PRDM11: variants seen among roughly 807,000 people sequenced by gnomAD.
The protein encoded by PRDM11 is PR domain-containing protein 11.
Under a neutral mutation model 97.8 loss-of-function variants are expected in PRDM11, and 20 were observed. The observed-to-expected ratio is 0.20, with a 90% CI of 0.14 to 0.30. The LOEUF (loss-of-function observed/expected upper bound fraction) is 0.30, where lower values mean the gene tolerates loss of function less well. Among genes scored for constraint, PRDM11 ranks in the 10% least tolerant of loss-of-function variants. The pLI is 1.00. For synonymous variants in PRDM11, 599 were observed against 637.7 expected, an observed-to-expected ratio of 0.94 and a Z score of 0.91; for missense variants, 1,139 against 1,555.2, an observed-to-expected ratio of 0.73 and a Z score of 4.50.
chr11:45,225,859 T>G, intron 7 of PRDM11, 136 bp from the exon 8 acceptor site: 1 of 1,139,660 alleles, frequency 8.8e-7, no homozygotes, highest in Non-Finnish European at 1.2e-6. Context: ...GGGCTGGGAT[T>G]CAATCCATCA....
intron 1 of PRDM11, among the ~76,000 whole-genome samples, chr11:45,100,033 C>T (rs147869455): frequency 5.3e-4 from 80 of 152,226 alleles, no homozygotes; most frequent in African/African-American, 1.9e-3. Context: ...TAGCTAATGT[C>T]GGGAAACCAA....
chr11:45,165,877 C>T (rs1852051736), intron 1 of PRDM11, among the ~76,000 whole-genome samples: 1 of 152,190 alleles, frequency 6.6e-6, no homozygotes, highest in Non-Finnish European at 1.5e-5. Context: ...CCGTGGAAGA[C>T]CCCCTCCCAT....
upstream of PRDM11, among the ~76,000 whole-genome samples, chr11:45,145,209 A>G (rs1255107939): frequency 6.6e-6 from 1 of 152,158 alleles, no homozygotes; most frequent in African/African-American, 2.4e-5. Flanking sequence ...CAGATGTGGG[A>G]AATAAAGGCT....
At chr11:45,127,640 G>A (rs10838421) in intron 1 of PRDM11, among the ~76,000 whole-genome samples, 48,039 of 151,942 alleles carry the variant, frequency 0.32, 8,308 homozygotes, top group African/African-American at 0.43. Flanking sequence ...AGCGGTGGCT[G>A]CAGAACAGCG....
intron 3 of PRDM11, 129 bp downstream of exon 3, chr11:45,182,478 C>A: frequency 1.2e-6 from 1 of 842,846 alleles, no homozygotes; most frequent in Non-Finnish European, 1.8e-6. Context: ...AGGTCCAGGC[C>A]TTGGTTCGTC....
At chr11:45,156,938 A>G (rs1406025883) in intron 1 of PRDM11, among the ~76,000 whole-genome samples, 1 of 152,166 alleles carries the variant, frequency 6.6e-6, no homozygotes, top group Non-Finnish European at 1.5e-5. Flanking sequence ...AGGAATGGCA[A>G]GCGGTCATGG....
chr11:45,216,637 A>T (rs1590464528), intron 5 of PRDM11, among the ~76,000 whole-genome samples: 1 of 152,244 alleles, frequency 6.6e-6, no homozygotes, highest in South Asian at 2.1e-4. Flanking sequence ...ATTCACCAAG[A>T]GTTGCCATAT....
chr11:45,141,747 G>A (rs1851409373), upstream of PRDM11, among the ~76,000 whole-genome samples: 1 of 152,192 alleles, frequency 6.6e-6, no homozygotes, highest in Non-Finnish European at 1.5e-5. Flanking sequence ...GGACTGCACT[G>A]CACCCCACCC....
chr11:45,169,153 T>C (rs1267973172), intron 1 of PRDM11, among the ~76,000 whole-genome samples: 3 of 152,006 alleles, frequency 2.0e-5, no homozygotes, highest in Non-Finnish European at 4.4e-5. Flanking sequence ...TGATAAGTAT[T>C]TGTTACTTTT....
rs765169586 is a variant in PRDM11 at position 45,227,442 on chromosome 11, G to A, written c.2817G>A (p.Glu939=). 133 of 1,533,748 alleles carry A rather than the reference G, an allele frequency of 8.7e-5. No individual in the cohort carries two copies. Among genetic ancestry groups the A allele is most frequent in the African/African-American group, 2.7e-5 (2 of 72,972 alleles). ...YLQEFEENFR[E]SFNGIAMKNL... ...AGGAGTTCGAGGAGAATTTCCGAGA[G>A]AGCTTCAACGGGATCGCCATGAAGA... Residue 939 remains glutamate (E), a synonymous_variant, in exon 8 of 8, where the codon GAG becomes GAA. Transcript: ENST00000683152. The surrounding 1 kb of genome is among the most constrained non-coding windows in gnomAD (Gnocchi z 8.0).
At chr11:45,129,575 T>C (rs1348461608) in intron 1 of PRDM11, among the ~76,000 whole-genome samples, 1 of 152,012 alleles carries the variant, frequency 6.6e-6, no homozygotes, top group Non-Finnish European at 1.5e-5. Context: ...ATACATACAA[T>C]GAAAAATTGC....
chr11:45,214,344 G>A (rs1853891201), intron 5 of PRDM11: 2 of 152,274 alleles, frequency 1.3e-5, no homozygotes, highest in African/African-American at 4.8e-5. Context: ...CTGACCTGAA[G>A]CTGACCCCAG....
At chr11:45,186,607 C>T (rs981501873) in intron 4 of PRDM11, among the ~76,000 whole-genome samples, 3 of 152,088 alleles carry the variant, frequency 2.0e-5, no homozygotes, top group Admixed American at 1.3e-4. Context: ...GCCCCCTTGG[C>T]AGGAGCAGTC....
At chr11:45,182,756 C>CTG in intron 3 of PRDM11, 105 bp from the exon 4 acceptor site, 1 of 1,364,532 alleles carries the variant, frequency 7.3e-7, no homozygotes, top group Admixed American at 2.3e-5. Flanking sequence ...GGGCCTGCAG[C>CTG]TGGCTGTCCA....
Position 45,210,771 on chromosome 11 carries a change from C to T in PRDM11, c.554+5993C>T, listed in dbSNP as rs115039808. 8.7e-4 allele frequency among the ~76,000 whole-genome samples: 132 copies of T among 152,310 alleles called. 1 individual carries two copies. The highest frequency in any genetic ancestry group is 3.1e-3 in the African/African-American group (130 of 41,582). ...CAATGCAGAAAGTAAGCTCTGAAAA[C>T]CAAGGTGGCCCTGAGCTCAATTCAG... On this transcript the variant is annotated intron_variant, in intron 5 of 7. Coordinates refer to ENST00000683152, the MANE Select transcript of PRDM11 (RefSeq NM_001384648.1).
intron 3 of PRDM11, among the ~76,000 whole-genome samples, 177 bp downstream of exon 3, chr11:45,182,526 A>G (rs1041098998): frequency 2.0e-5 from 3 of 151,926 alleles, no homozygotes; most frequent in Non-Finnish European, 2.9e-5. Context: ...TGTTAGCCCC[A>G]TTTTCCAGAT....
At chr11:45,180,837 G>A (rs1852465494) in intron 1 of PRDM11, among the ~76,000 whole-genome samples, 1 of 151,518 alleles carries the variant, frequency 6.6e-6, no homozygotes, top group Admixed American at 6.6e-5. Flanking sequence ...GCCCGGCCTG[G>A]GCAGCCCTCC....
intron 1 of PRDM11, among the ~76,000 whole-genome samples, chr11:45,180,925 G>C (rs1852470958): frequency 2.0e-5 from 3 of 152,060 alleles, no homozygotes; most frequent in Admixed American, 2.0e-4. Context: ...ACCCCTCCCA[G>C]TCGCCGCCGC....
intron 1 of PRDM11, among the ~76,000 whole-genome samples, chr11:45,119,193 A>G (rs7122974): frequency 0.13 from 20,013 of 152,208 alleles, 1,515 homozygotes; most frequent in Middle Eastern, 0.22. Context: ...ACACTAGACC[A>G]GGGACCTACT....
Sources: gnomAD v4.1 joint callset for allele counts (sites outside exome capture counted in the v4.1 genomes callset) on GRCh38, gnomAD v4.1.1 for gene constraint, Gnocchi (gnomAD v3.1) non-coding constraint, MANE v1.5 for transcripts, NCBI Gene and HGNC (gene_info 2026-07-23, HGNC 2026-07-21) for gene names.